The following ARHGEF4 variants were observed in gnomAD, a reference collection of about 807,000 sequenced individuals.
ARHGEF4 encodes APC-stimulated guanine nucleotide exchange factor 1.
Under a neutral mutation model 162.0 loss-of-function variants are expected in ARHGEF4, and 119 were observed. The ratio of observed to expected loss-of-function variants is 0.73; its 90% confidence interval spans 0.63 to 0.86. ARHGEF4 has a LOEUF of 0.86. ARHGEF4 is among the 40% of genes least tolerant of loss of function. The probability of loss-of-function intolerance (pLI) is 0.00; values close to 1 mark genes in which losing one functional copy is unlikely to be tolerated. For synonymous variants in ARHGEF4, 1,014 were observed against 979.9 expected (o/e 1.03, Z -0.65); for missense variants, 2,488 against 2,456.0 (o/e 1.01, Z -0.28).
intron 5 of ARHGEF4, among the ~76,000 whole-genome samples, chr2:131,034,065 CTT>C (rs1690050822): frequency 6.6e-6 from 1 of 152,194 alleles, no homozygotes. Flanking sequence ...ACTCACCTAT[CTT>C]TGCAAGGGGT....
At position 130,917,314 on chromosome 2, in the gene ARHGEF4, A is replaced by G; in HGVS notation, c.3368A>G (p.Tyr1123Cys). The change falls in exon 2 of 14, where the codon TAC becomes TGC. Residue 1123 changes from tyrosine (Y) to cysteine (C), a missense_variant. Around this residue, in one of 6 missense-constraint regions of ARHGEF4, gnomAD observed 1,642 missense variants for 1,481.5 expected, o/e 1.11. Coordinates refer to ENST00000409359, the MANE Select transcript of ARHGEF4 (RefSeq NM_001367493.1). ...ATCTCCATGGTTTCTCTTGGAAGCT[A>G]CAGCTACGTGGACAGCAGTTCAGGG... Reference protein sequence around the residue: ...SAISMVSLGSYSYVDSSSGDP... With the variant: ...SAISMVSLGSCSYVDSSSGDP... The G allele has an allele frequency of 6.4e-7, 1 of 1,550,564 alleles. No homozygotes were observed. The highest frequency in any genetic ancestry group is 1.2e-5 in the South Asian group (1 of 84,060).
At chr2:130,946,888 AG>A (rs1683656298) in intron 4 of ARHGEF4, 1 of 361,358 alleles carries the variant, frequency 2.8e-6, no homozygotes, top group Non-Finnish European at 5.2e-6. Context: ...GGATCACTTG[AG>A]GTCAGGAGCT....
chr2:130,847,138 C>A (rs1420472327), intron 1 of ARHGEF4, among the ~76,000 whole-genome samples: 1 of 152,330 alleles, frequency 6.6e-6, no homozygotes, highest in African/African-American at 2.4e-5. Flanking sequence ...CCCAGCCTTG[C>A]CCCTGCCGGA....
intron 1 of ARHGEF4, among the ~76,000 whole-genome samples, chr2:130,854,025 T>C (rs895344974): frequency 6.6e-6 from 1 of 152,126 alleles, no homozygotes; most frequent in Non-Finnish European, 1.5e-5. Flanking sequence ...CCTGCCCTGC[T>C]CACCTCATAG....
chr2:130,864,866 G>A (rs1238318888), intron 1 of ARHGEF4, among the ~76,000 whole-genome samples: 1 of 152,230 alleles, frequency 6.6e-6, no homozygotes, highest in Admixed American at 6.5e-5. Flanking sequence ...TATGGTATGT[G>A]AATTATAGCT....
At chr2:130,989,001 G>T (rs1686756200) in intron 4 of ARHGEF4, among the ~76,000 whole-genome samples, 1 of 150,714 alleles carries the variant, frequency 6.6e-6, no homozygotes, top group African/African-American at 2.4e-5. Flanking sequence ...CGCTCTTGTT[G>T]CCCAGGCTGG....
At position 130,916,639 on chromosome 2, in the gene ARHGEF4, T is replaced by C. The variant is rs1349883091; in HGVS notation, c.2693T>C (p.Leu898Pro). Residue 898 changes from leucine to proline, a missense_variant, in exon 2 of 14, where the codon CTC becomes CCC. This residue lies in a region of ARHGEF4 where 1,642 missense variants were observed against 1,481.5 expected (regional missense o/e 1.11). Coordinates refer to ENST00000409359, the MANE Select transcript of ARHGEF4 (RefSeq NM_001367493.1). ...PSSESCNAKR[L>P]KTTEKKLRAR... is the part of the protein sequence containing the mutation. ...TCTGAGAGCTGCAACGCAAAGAGAC[T>C]CAAAACAACGGAGAAAAAACTCAGG... The C allele has an allele frequency of 1.9e-6, 3 of 1,550,362 alleles. No homozygotes were observed. Among genetic ancestry groups the C allele is most frequent in the Non-Finnish European group, 2.6e-6 (3 of 1,146,984 alleles).
At chr2:130,867,573 T>C (rs546164967) in intron 1 of ARHGEF4, among the ~76,000 whole-genome samples, 2 of 152,144 alleles carry the variant, frequency 1.3e-5, no homozygotes, top group Non-Finnish European at 2.9e-5. Flanking sequence ...GTTCAAAATA[T>C]TTTCTAATTT....
rs372438673 is a variant in ARHGEF4, at chr2:131,038,837, G to C, written c.4126-16G>C. 5.7e-6 allele frequency: 9 copies of C among 1,592,448 alleles called. No individual in the cohort carries two copies. The Admixed American group carries it at 1.5e-4, about 27-fold the overall frequency. ...GCCTCCCCCACTGACCCGCCTGCCCGTGGCTCTCTCGGCAGCTCATCAGCG... is the reference window on the plus strand; with the variant it reads ...GCCTCCCCCACTGACCCGCCTGCCCCTGGCTCTCTCGGCAGCTCATCAGCG... On this transcript the variant is annotated splice_polypyrimidine_tract_variant and intron_variant, in intron 5 of 13. Transcript: ENST00000409359.
chr2:130,896,867 G>A (rs1454981881), intron 1 of ARHGEF4, among the ~76,000 whole-genome samples: 1 of 152,148 alleles, frequency 6.6e-6, no homozygotes, highest in Non-Finnish European at 1.5e-5. Context: ...CTCTCCAATG[G>A]TTTTATGGCA....
intron 1 of ARHGEF4, among the ~76,000 whole-genome samples, chr2:130,898,433 C>T (rs554476877): frequency 6.6e-6 from 1 of 152,354 alleles, no homozygotes; most frequent in East Asian, 1.9e-4. Context: ...CATCTTTCTT[C>T]ATGTCCCTAG....
chr2:130,884,491 G>A (rs1679388261), intron 1 of ARHGEF4, among the ~76,000 whole-genome samples: 1 of 151,958 alleles, frequency 6.6e-6, no homozygotes, highest in African/African-American at 2.4e-5. Context: ...CTATCTCAGA[G>A]GACTGTAATT....
chr2:131,013,745 C>T (rs1402611889), intron 4 of ARHGEF4, among the ~76,000 whole-genome samples: 3 of 152,154 alleles, frequency 2.0e-5, no homozygotes, highest in African/African-American at 4.8e-5. Flanking sequence ...GGATTACAGG[C>T]GCATGCCGCC....
chr2:130,903,916 C>G (rs999291381), intron 1 of ARHGEF4, among the ~76,000 whole-genome samples: 1 of 152,158 alleles, frequency 6.6e-6, no homozygotes, highest in Non-Finnish European at 1.5e-5. Flanking sequence ...TTTCTTTATC[C>G]AGCCCACCAC....
intron 4 of ARHGEF4, among the ~76,000 whole-genome samples, chr2:130,988,559 T>C (rs1686674714): frequency 6.6e-6 from 1 of 152,220 alleles, no homozygotes; most frequent in South Asian, 2.1e-4. Context: ...TTTTGGTGTG[T>C]ATTGGCTAGC....
intron 2 of ARHGEF4, among the ~76,000 whole-genome samples, 159 bp downstream of exon 2, chr2:130,917,657 A>C (rs1402130849): frequency 1.3e-5 from 2 of 151,052 alleles, no homozygotes; most frequent in Admixed American, 1.3e-4. Flanking sequence ...CAGTGAACAC[A>C]GCGGGTGACC....
chr2:130,857,023 C>T (rs1054243737), intron 1 of ARHGEF4, among the ~76,000 whole-genome samples: 2 of 152,068 alleles, frequency 1.3e-5, no homozygotes, highest in Non-Finnish European at 2.9e-5. Context: ...GAGATCAAGA[C>T]CATCCTGGCT....
At chr2:130,977,227 GAT>G (rs1172488653) in intron 4 of ARHGEF4, among the ~76,000 whole-genome samples, 1 of 151,570 alleles carries the variant, frequency 6.6e-6, no homozygotes, top group Non-Finnish European at 1.5e-5. Context: ...GTGTGCGTGT[GAT>G]GTGTGTGGTG....
At chr2:130,998,245 A>G (rs1182117941) in intron 4 of ARHGEF4, among the ~76,000 whole-genome samples, 1 of 152,188 alleles carries the variant, frequency 6.6e-6, no homozygotes, top group Non-Finnish European at 1.5e-5. Context: ...TATTTTTTCA[A>G]GCAGTTTTAG....
Sources: gnomAD v4.1 joint callset for allele counts (sites outside exome capture counted in the v4.1 genomes callset) on GRCh38, gnomAD v4.1.1 for gene constraint, gnomAD v4.1.1 regional missense constraint, MANE v1.5 for transcripts, NCBI Gene and HGNC (gene_info 2026-07-23, HGNC 2026-07-21) for gene names.